The following RBM39 variants were observed in gnomAD, a reference collection of about 807,000 sequenced individuals.
The protein encoded by RBM39 is RNA binding motif protein 39.
In RBM39, 12 loss-of-function variants were observed where a neutral mutation model predicts 79.6. That is an observed-to-expected ratio of 0.15 (90% confidence interval 0.10 to 0.24). The LOEUF (loss-of-function observed/expected upper bound fraction) is 0.24, where lower values mean the gene tolerates loss of function less well. Among genes scored for constraint, RBM39 ranks in the 10% least tolerant of loss-of-function variants. The pLI is 1.00. For synonymous variants in RBM39, 185 were observed against 208.4 expected (o/e 0.89, Z 0.97); for missense variants, 243 against 653.4 (o/e 0.37, Z 6.85).
At chr20:35,717,002 G>A (rs1274995577) in intron 9 of RBM39, among the ~76,000 whole-genome samples, 197 bp from the exon 10 acceptor site, 1 of 152,008 alleles carries the variant, frequency 6.6e-6, no homozygotes, top group East Asian at 1.9e-4. Context: ...AAATTAGGCT[G>A]GGCGTGGTGG....
chr20:35,738,066 G>C (rs1177453753), intron 3 of RBM39, among the ~76,000 whole-genome samples: 2 of 151,744 alleles, frequency 1.3e-5, no homozygotes, highest in Middle Eastern at 3.4e-3. Context: ...TGAGGCAGGG[G>C]AATCACTTGA....
intron 3 of RBM39, chr20:35,734,914 G>C (rs758239254): frequency 5.1e-6 from 8 of 1,576,006 alleles, no homozygotes; most frequent in Non-Finnish European, 6.0e-6. Context: ...ACTTTCCAAA[G>C]TCTTTAATGG....
chr20:35,738,936 C>G (rs775819052), intron 3 of RBM39, 32 bp downstream of exon 3: 34 of 1,584,622 alleles, frequency 2.1e-5, no homozygotes, highest in Non-Finnish European at 2.8e-5. Context: ...AAAAGCTCAC[C>G]ACCCTCCCCC....
At chr20:35,732,532 G>A (rs1224316713) in intron 3 of RBM39, 1 of 201,066 alleles carries the variant, frequency 5.0e-6, no homozygotes, top group Non-Finnish European at 1.0e-5. Flanking sequence ...ACTCCAGCCT[G>A]GGCGACAGAG....
intron 10 of RBM39, among the ~76,000 whole-genome samples, chr20:35,716,114 G>A (rs2425089): frequency 0.18 from 27,954 of 151,520 alleles, 2,949 homozygotes; most frequent in African/African-American, 0.3. Flanking sequence ...TGCCCAGGCT[G>A]GAGCACTGCA....
chr20:35,702,200 T>C lies in RBM39; in HGVS notation c.*2281A>G, dbSNP rs1390357718. On this transcript the variant is annotated 3_prime_UTR_variant, in exon 17 of 17. Transcript: ENST00000253363. Reference sequence around the variant, plus strand: ...AACTTTCAAAGATGGTAGTAATTATTATAAAGATAAAAGAAAACTAGATGA... The same window carrying C: ...AACTTTCAAAGATGGTAGTAATTATCATAAAGATAAAAGAAAACTAGATGA... 6.6e-6 allele frequency: 1 copy of C among 152,214 alleles called. No homozygotes were observed. Among genetic ancestry groups the C allele is most frequent in the South Asian group, 2.1e-4 (1 of 4,836 alleles). The allele number at this position is 152,214 out of a possible 1,614,324, so 9.4% of individuals were successfully genotyped here. A position where few individuals can be genotyped will look rare whatever the true frequency, so the allele number is the denominator to read the frequency against.
At chr20:35,716,699 A>G in intron 10 of RBM39, 41 bp downstream of exon 10, 3 of 1,314,724 alleles carry the variant, frequency 2.3e-6, no homozygotes, top group Non-Finnish European at 3.2e-6. Flanking sequence ...TAGTTTAAAA[A>G]AAAAAAAACC....
intron 14 of RBM39, among the ~76,000 whole-genome samples, chr20:35,705,970 GGC>G (rs1211192784): frequency 1.3e-5 from 2 of 151,948 alleles, no homozygotes; most frequent in African/African-American, 4.8e-5. Context: ...GGGAAGCTGA[GGC>G]GGGCACATCA....
rs541316301 is a variant in RBM39, at chr20:35,741,969, C to G, written c.-42G>C. 4.3e-6 allele frequency: 1 copy of G among 235,142 alleles called. No homozygotes were observed. The highest frequency in any genetic ancestry group is 8.4e-6 in the Non-Finnish European group (1 of 118,622). The allele number at this position is 235,142 out of a possible 1,614,324, so 14.6% of individuals were successfully genotyped here. ...TTCCGGCCTTCGGGCGCCTGTGGTG[C>G]TCGTGTTCGGGAAGAGATTGCTGCT... is the stretch of plus-strand genomic sequence containing the variant. On this transcript the variant is annotated 5_prime_UTR_variant, in exon 1 of 17. Transcript: ENST00000253363.
intron 4 of RBM39, among the ~76,000 whole-genome samples, chr20:35,730,056 A>G (rs1292303353): frequency 6.6e-6 from 1 of 152,156 alleles, no homozygotes; most frequent in Non-Finnish European, 1.5e-5. Context: ...TAGTCATGCA[A>G]CTTAGGTATT....
At chr20:35,738,808 C>G (rs951802207) in intron 3 of RBM39, among the ~76,000 whole-genome samples, 160 bp downstream of exon 3, 1 of 152,194 alleles carries the variant, frequency 6.6e-6, no homozygotes, top group Non-Finnish European at 1.5e-5. Context: ...CACAGTTCCT[C>G]CAAGAGTTTG....
At chr20:35,738,621 C>T (rs1368866069) in intron 3 of RBM39, among the ~76,000 whole-genome samples, 1 of 152,164 alleles carries the variant, frequency 6.6e-6, no homozygotes, top group East Asian at 1.9e-4. Flanking sequence ...ACTCTTTCTA[C>T]CTTTTAAGAT....
At position 35,704,759 on chromosome 20, in the gene RBM39, T is replaced by C. The variant is rs747843272; in HGVS notation, c.1414-13A>G. 1.3e-6 allele frequency: 2 copies of C among 1,600,000 alleles called. No homozygotes were observed. Among genetic ancestry groups the C allele is most frequent in the Non-Finnish European group, 1.7e-6 (2 of 1,175,716 alleles). ...CATACACATTGCCCTACAGAAAAAA[T>C]GAAAAAAAAGGTAAAGATGTTGCTG... On this transcript the variant is annotated splice_polypyrimidine_tract_variant and intron_variant, in intron 15 of 16. Transcript: ENST00000253363.
intron 8 of RBM39, among the ~76,000 whole-genome samples, chr20:35,722,655 C>T (rs570748178): frequency 2.0e-5 from 3 of 151,324 alleles, no homozygotes; most frequent in Admixed American, 6.6e-5. Flanking sequence ...GCAGGCTGGC[C>T]GGGTGCAGTG....
At chr20:35,738,822 C>G (rs1357508502) in intron 3 of RBM39, 146 bp downstream of exon 3, 11 of 718,286 alleles carry the variant, frequency 1.5e-5, no homozygotes, top group Non-Finnish European at 2.5e-5. Flanking sequence ...GAGTTTGTCT[C>G]AAAAGGCAAA....
At chr20:35,734,511 A>C (rs566848872) in intron 3 of RBM39, 1 of 213,414 alleles carries the variant, frequency 4.7e-6, no homozygotes, top group Admixed American at 5.3e-5. Context: ...GGTAAAAAGT[A>C]ACTCCATCCC....
intron 2 of RBM39, 28 bp downstream of exon 2, chr20:35,740,796 T>C (rs752282037): frequency 3.1e-6 from 5 of 1,593,974 alleles, no homozygotes; most frequent in Non-Finnish European, 4.3e-6. Flanking sequence ...AAGAAATATA[T>C]AAACCTCACC....
intron 12 of RBM39, 158 bp from the exon 13 acceptor site, chr20:35,709,432 T>C: frequency 3.4e-6 from 2 of 591,112 alleles, no homozygotes; most frequent in Non-Finnish European, 5.8e-6. Flanking sequence ...GAGAAGGCTT[T>C]GGGGCCTTTT....
In RBM39 at chr20:35,702,873, C is replaced by T. The variant is rs1316056254; in HGVS notation, c.*1608G>A. The T allele has an allele frequency of 6.6e-6, 1 of 152,216 alleles. No homozygotes were observed. Among genetic ancestry groups the T allele is most frequent in the Non-Finnish European group, 1.5e-5 (1 of 68,066 alleles). 9.4% of individuals were successfully genotyped at this position (152,216 alleles called of 1,614,324 possible). A position where few individuals can be genotyped will look rare whatever the true frequency, so the allele number is the denominator to read the frequency against. On this transcript the variant is annotated 3_prime_UTR_variant, in exon 17 of 17. Transcript: ENST00000253363. ...AGATGGAGCTGAGATCACATCACTG[C>T]ACTCCAGCCTGGGCCAAAGAGCAAG...
Sources: gnomAD v4.1 joint callset for allele counts (sites outside exome capture counted in the v4.1 genomes callset) on GRCh38, gnomAD v4.1.1 for gene constraint, MANE v1.5 for transcripts, NCBI Gene and HGNC (gene_info 2026-07-23, HGNC 2026-07-21) for gene names.